CPT1C: variants seen among roughly 807,000 people sequenced by gnomAD.
The protein encoded by CPT1C is carnitine palmitoyltransferase 1C, also known as palmitoyl thioesterase CPT1C.
Under a neutral mutation model 97.3 loss-of-function variants are expected in CPT1C, and 61 were observed. The observed-to-expected ratio is 0.63, with a 90% confidence interval of 0.51 to 0.78. The LOEUF (loss-of-function observed/expected upper bound fraction) is 0.78. Among genes scored for constraint, CPT1C ranks in the 30% least tolerant of loss-of-function variants. The pLI, the probability that CPT1C is intolerant of heterozygous loss-of-function variation, is 0.00. For synonymous variants in CPT1C, 469 were observed against 447.2 expected, an observed-to-expected ratio of 1.05 and a Z score of -0.61; for missense variants, 975 against 1,065.5, an observed-to-expected ratio of 0.92 and a Z score of 1.18.
At chr19:49,692,476 A>G in intron 3 of CPT1C, 83 bp downstream of exon 3, 1 of 1,531,416 alleles carries the variant, frequency 6.5e-7, no homozygotes, top group Non-Finnish European at 8.9e-7. Context: ...CCGGCATTTC[A>G]GCTGGTTCAT....
chr19:49,693,838 C>CATGA (rs879601029), intron 3 of CPT1C, among the ~76,000 whole-genome samples: 4 of 152,206 alleles, frequency 2.6e-5, no homozygotes, highest in Non-Finnish European at 5.9e-5. Flanking sequence ...ACGGACGGAT[C>CATGA]ATGAGGTCAG....
chr19:49,699,684 G>A (rs1258493422), intron 4 of CPT1C, among the ~76,000 whole-genome samples: 1 of 152,136 alleles, frequency 6.6e-6, no homozygotes, highest in African/African-American at 2.4e-5. Flanking sequence ...GCCAGGTGCT[G>A]TGGCTCACAC....
chr19:49,701,577 G>A lies in CPT1C; in HGVS notation c.636G>A (p.Leu212=). ...TCCTGGCGCAGGAATTCCTGAGGCTGCAGGCGTCGCTGCTGCAGTGGTACC... is the reference window on the plus strand; with the variant it reads ...TCCTGGCGCAGGAATTCCTGAGGCTACAGGCGTCGCTGCTGCAGTGGTACC... ...TAVLAQEFLR[L]QASLLQWYLR... is the part of the protein sequence containing the mutation. Residue 212 remains leucine, a synonymous_variant, in exon 7 of 20, where the codon CTG becomes CTA. Coordinates refer to ENST00000598293, the MANE Select transcript of CPT1C (RefSeq NM_001199753.2). 6.2e-7 allele frequency: 1 copy of A among 1,612,420 alleles called. No individual in the cohort carries two copies. The highest frequency in any genetic ancestry group is 8.5e-7 in the Non-Finnish European group (1 of 1,179,148).
At chr19:49,700,901 T>C in intron 5 of CPT1C, 46 bp downstream of exon 5, 1 of 1,592,186 alleles carries the variant, frequency 6.3e-7, no homozygotes. Flanking sequence ...GGGACCCGCT[T>C]ATCTATTCCC....
upstream of CPT1C, chr19:49,690,898 A>C (rs1299693116): frequency 6.0e-6 from 1 of 166,936 alleles, no homozygotes; most frequent in Admixed American, 6.3e-5. The surrounding 1 kb of genome is among the most constrained non-coding windows in gnomAD (Gnocchi z 4.4). Flanking sequence ...TCGAAGAGAC[A>C]GGAGACTAAG....
chr19:49,693,434 T>G (rs1245061321), intron 3 of CPT1C, among the ~76,000 whole-genome samples: 1 of 152,130 alleles, frequency 6.6e-6, no homozygotes, highest in Non-Finnish European at 1.5e-5. Flanking sequence ...TTTCCCCTCG[T>G]GGAAAACATG....
In CPT1C at chr19:49,706,919, T is replaced by A. The variant is rs1600123341; in HGVS notation, c.1343+506T>A. Among the ~76,000 whole-genome samples the A allele has an allele frequency of 6.6e-6, 1 of 151,328 alleles. No individual in the cohort carries two copies. Among genetic ancestry groups the A allele is most frequent in the Non-Finnish European group, 1.5e-5 (1 of 67,850 alleles). On this transcript the variant is annotated intron_variant, in intron 12 of 19. Coordinates refer to ENST00000598293, the MANE Select transcript of CPT1C (RefSeq NM_001199753.2). This position sits in a 1 kb window ranked among gnomAD's most constrained non-coding sequence, Gnocchi z 4.8. Reference sequence around the variant, plus strand: ...ACTGAATTCCTAGGCCCCAGGGGGGTCCCGCTGACCTCCCAGCACCCCCAA... The same window carrying A: ...ACTGAATTCCTAGGCCCCAGGGGGGACCCGCTGACCTCCCAGCACCCCCAA...
chr19:49,691,502 C>T (rs1382200379), intron 1 of CPT1C, 162 bp downstream of exon 1: 1 of 152,164 alleles, frequency 6.6e-6, no homozygotes, highest in African/African-American at 2.4e-5. Context: ...CTTCCTTCCC[C>T]ATTCCCTCCA....
chr19:49,701,065 G>A (rs1282332631), intron 5 of CPT1C, among the ~76,000 whole-genome samples: 3 of 50,506 alleles, frequency 5.9e-5, no homozygotes, highest in Admixed American at 3.4e-4. Flanking sequence ...CTGTGTCTCC[G>A]TCCCCCCCTC....
intron 3 of CPT1C, among the ~76,000 whole-genome samples, chr19:49,693,108 GA>G (rs2123094207): frequency 6.6e-6 from 1 of 152,216 alleles, no homozygotes; most frequent in Admixed American, 6.5e-5. Context: ...GGCTAATCTC[GA>G]TCTCCTGACC....
In CPT1C at chr19:49,711,827, C is replaced by T. The variant is rs759926356; in HGVS notation, c.1885C>T (p.Leu629=). ...KEKTDPQCLA[L]FRVAVDKHQA... is the part of the protein sequence containing the mutation. ...ACTGCAGGACCCACAGTGCCTCGCCCTGTTCCGCGTGGCAGTGGACAAGCA... is the reference window on the plus strand; with the variant it reads ...ACTGCAGGACCCACAGTGCCTCGCCTTGTTCCGCGTGGCAGTGGACAAGCA... Residue 629 remains leucine (L), a synonymous_variant, in exon 17 of 20, where the codon CTG becomes TTG. Transcript: ENST00000598293. 1 of 1,613,194 alleles carries T rather than the reference C, an allele frequency of 6.2e-7. No homozygotes were observed. The highest frequency in any genetic ancestry group is 1.1e-5 in the South Asian group (1 of 91,064).
chr19:49,712,892 G>T, intron 18 of CPT1C, 43 bp downstream of exon 18: 1 of 1,595,880 alleles, frequency 6.3e-7, no homozygotes, highest in Non-Finnish European at 8.6e-7. Flanking sequence ...GAAAGAGGGG[G>T]CTGGGGGGCC....
chr19:49,690,920 T>TGA (rs1568495110), upstream of CPT1C: 1 of 158,560 alleles, frequency 6.3e-6, no homozygotes, highest in African/African-American at 2.4e-5. The surrounding 1 kb of genome is among the most constrained non-coding windows in gnomAD (Gnocchi z 4.4). Flanking sequence ...GACAATGAGC[T>TGA]GAGTGAGGAG....
At chr19:49,702,028 T>TATATTTATTTATAAATTATAAAC (rs2083150389) in intron 7 of CPT1C, among the ~76,000 whole-genome samples, 1 of 95,816 alleles carries the variant, frequency 1.0e-5, no homozygotes, top group African/African-American at 4.5e-5. Context: ...TTATAAATTA[T>TATATTTATTTATAAATTATAAAC]AAATATATAT....
chr19:49,701,745 C>A, intron 7 of CPT1C, 111 bp downstream of exon 7: 2 of 1,289,952 alleles, frequency 1.6e-6, no homozygotes, highest in Non-Finnish European at 2.1e-6. Flanking sequence ...ACAACCCACA[C>A]GCCCCCAGCC....
At position 49,709,625 on chromosome 19, in the gene CPT1C, G is replaced by A. The variant is rs1329603305; in HGVS notation, c.1567-695G>A. On this transcript the variant is annotated intron_variant, in intron 14 of 19. Transcript: ENST00000598293. ...GCTGGAGTGCAATGACACGATCTCA[G>A]TTCACTGCAACCTCCATCTCCCAGG... is the stretch of plus-strand genomic sequence containing the variant. Among the ~76,000 whole-genome samples, 4 of 149,468 alleles carry A rather than the reference G, an allele frequency of 2.7e-5. No homozygotes were observed. In the East Asian group the frequency reaches 7.8e-4, roughly 29 times the overall value.
In CPT1C at chr19:49,711,780, A is replaced by ATGACCTG. The variant is rs750275835; in HGVS notation, c.1867-22_1867-16dup. On this transcript the variant is annotated intron_variant, in intron 16 of 19. Transcript: ENST00000598293. ...CCCTAAGTCGACTTCCTGTCTTTCC[A>ATGACCTG]TGACCTGTGACCTCCCTGGGGACTG... 42 of 1,586,986 alleles carry ATGACCTG rather than the reference A, an allele frequency of 2.6e-5. No individual in the cohort carries two copies. The South Asian group carries it at 4.4e-4, about 16-fold the overall frequency.
intron 16 of CPT1C, chr19:49,711,447 C>T: frequency 4.4e-6 from 1 of 225,130 alleles, no homozygotes; most frequent in Non-Finnish European, 8.8e-6. Flanking sequence ...CATTTAACCT[C>T]TTTGTGACTT....
At chr19:49,702,192 T>TATAAATAAA (rs1568522381) in intron 7 of CPT1C, among the ~76,000 whole-genome samples, 4 of 130,166 alleles carry the variant, frequency 3.1e-5, no homozygotes, top group African/African-American at 1.2e-4. Context: ...ATATATAGGC[T>TATAAATAAA]TATATATTTA....
Sources: allele counts gnomAD v4.1 joint callset (sites outside exome capture counted in the v4.1 genomes callset), GRCh38; gene constraint gnomAD v4.1.1; non-coding constraint Gnocchi (gnomAD v3.1); transcripts MANE v1.5; gene names NCBI Gene and HGNC (gene_info 2026-07-23, HGNC 2026-07-21).